Variants in NRXN2 observed in about 807,000 individuals in gnomAD.
The protein encoded by NRXN2 is neurexin-2-beta.
NRXN2 carries 29 observed loss-of-function variants against 128.8 expected under a neutral mutation model. The observed-to-expected ratio is 0.23, with a 90% CI of 0.17 to 0.31. The LOEUF (loss-of-function observed/expected upper bound fraction) is 0.31, where lower values mean the gene tolerates loss of function less well. NRXN2 is among the 10% of genes least tolerant of loss of function. NRXN2 has a pLI of 1.00. For missense variants in NRXN2, 1,881 were observed against 2,452.6 expected (o/e 0.77, Z 4.92); for synonymous variants, 1,098 against 1,075.2 (o/e 1.02, Z -0.41).
chr11:64,653,642 G>A (rs1232538077), intron 12 of NRXN2, 54 bp downstream of exon 12: 21 of 1,533,520 alleles, frequency 1.4e-5, no homozygotes, highest in East Asian at 4.6e-5. Flanking sequence ...AAATCCCAGC[G>A]TCCAGCATCC....
intron 6 of NRXN2, among the ~76,000 whole-genome samples, chr11:64,684,859 G>A (rs983112658): frequency 6.6e-6 from 1 of 152,224 alleles, no homozygotes; most frequent in African/African-American, 2.4e-5. Context: ...TCTGGGAACA[G>A]GAGCTCCTGT....
intron 7 of NRXN2, among the ~76,000 whole-genome samples, chr11:64,669,629 G>T (rs1181423761): frequency 6.6e-6 from 1 of 152,108 alleles, no homozygotes; most frequent in East Asian, 1.9e-4. Context: ...GACAAGGACA[G>T]GAAACTCTCC....
In NRXN2 at chr11:64,643,357, G is replaced by A. The variant is rs1243279514; in HGVS notation, c.3403+4862C>T. 2.5e-5 allele frequency: 19 copies of A among 757,726 alleles called. No homozygotes were observed. In the Admixed American group the frequency reaches 1.1e-3, roughly 45 times the overall value. The allele number at this position is 757,726 out of a possible 1,614,324, so 46.9% of individuals were successfully genotyped here. On this transcript the variant is annotated intron_variant, in intron 17 of 22. Coordinates refer to ENST00000265459, the MANE Select transcript of NRXN2 (RefSeq NM_015080.4). Reference sequence around the variant, plus strand: ...GGCCGGGGGAAAGGAGGGAGCGGCCGGGGGAGGGGGGGGCGGGAGAAGGGG... The same window carrying A: ...GGCCGGGGGAAAGGAGGGAGCGGCCAGGGGAGGGGGGGGCGGGAGAAGGGG...
chr11:64,686,586 C>T (rs562409163), intron 5 of NRXN2, among the ~76,000 whole-genome samples: 2 of 152,286 alleles, frequency 1.3e-5, no homozygotes, highest in East Asian at 3.9e-4. Context: ...GGGATATGCA[C>T]CGGATAGCAA....
At chr11:64,610,415 C>T (rs745960377) in intron 22 of NRXN2, among the ~76,000 whole-genome samples, 4 of 152,016 alleles carry the variant, frequency 2.6e-5, no homozygotes, top group Admixed American at 1.3e-4. Flanking sequence ...TGAGTGAGGC[C>T]GGGGAAGGGC....
rs754401990 is a variant in NRXN2 at position 64,607,346 on chromosome 11, A to G, written c.4989T>C (p.Arg1663=). The G allele has an allele frequency of 1.2e-6, 2 of 1,613,874 alleles. No individual in the cohort carries two copies. Among genetic ancestry groups the G allele is most frequent in the Non-Finnish European group, 1.7e-6 (2 of 1,179,934 alleles). ...LLYAMYKYRN[R]DEGSYQVDQS... ...GGTCCACCTGGTAGGAGCCCTCATC[A>G]CGATTGCGGTACTTATACATGGCGT... The change falls in exon 23 of 23, where the codon CGT becomes CGC. Residue 1663 remains arginine, a synonymous_variant. Transcript: ENST00000265459.
chr11:64,676,854 T>C (rs546964544), intron 7 of NRXN2, 139 bp downstream of exon 7: 8 of 695,432 alleles, frequency 1.2e-5, no homozygotes, highest in African/African-American at 7.1e-5. Flanking sequence ...AATCTAAAGA[T>C]TGTCCAGGAC....
At chr11:64,721,371 C>G (rs918575510) in intron 1 of NRXN2, among the ~76,000 whole-genome samples, 1 of 151,956 alleles carries the variant, frequency 6.6e-6, no homozygotes, top group Non-Finnish European at 1.5e-5. Flanking sequence ...AAAGAACTGC[C>G]CGGCAGCCGT....
At chr11:64,625,492 T>C (rs1384984755) in intron 20 of NRXN2, among the ~76,000 whole-genome samples, 2 of 152,226 alleles carry the variant, frequency 1.3e-5, no homozygotes, top group Non-Finnish European at 2.9e-5. Context: ...TCAGCAGGTT[T>C]AGGCCCCACA....
chr11:64,675,258 G>T (rs2051147184), intron 7 of NRXN2: 1 of 152,300 alleles, frequency 6.6e-6, no homozygotes, highest in African/African-American at 2.4e-5. Context: ...CAAGACCACT[G>T]GGAGTGGCCA....
intron 17 of NRXN2, among the ~76,000 whole-genome samples, chr11:64,638,652 A>C (rs979641950): frequency 2.6e-5 from 4 of 152,202 alleles, no homozygotes; most frequent in African/African-American, 9.6e-5. Flanking sequence ...GGCCTAAGCC[A>C]AGGCCCAAAA....
intron 2 of NRXN2, among the ~76,000 whole-genome samples, chr11:64,706,633 C>T (rs992070263): frequency 1.6e-4 from 24 of 152,096 alleles, no homozygotes; most frequent in African/African-American, 4.8e-4. Flanking sequence ...CCTGCTTCTC[C>T]TGCTTTAGGT....
chr11:64,641,771 G>A (rs1055268844), intron 17 of NRXN2, among the ~76,000 whole-genome samples: 7 of 152,080 alleles, frequency 4.6e-5, no homozygotes, highest in African/African-American at 1.7e-4. Context: ...ACTGACACAG[G>A]AGGGGAAGCC....
At chr11:64,663,826 G>A (rs1015699192) in intron 9 of NRXN2, among the ~76,000 whole-genome samples, 10 of 152,188 alleles carry the variant, frequency 6.6e-5, no homozygotes, top group Non-Finnish European at 1.0e-4. Context: ...TAAATGCAAC[G>A]TGTATATCCA....
chr11:64,690,391 T>TG lies in NRXN2; in HGVS notation c.850+13dup. ...TGAGGGCTGGGCTCTCTGGGGACCA[T>TG]GGGGGTCACTGACCTTTTGTTGGCT... On this transcript the variant is annotated intron_variant, in intron 5 of 22. Coordinates refer to ENST00000265459, the MANE Select transcript of NRXN2 (RefSeq NM_015080.4). 1 of 1,609,762 alleles carries TG rather than the reference T, an allele frequency of 6.2e-7. No homozygotes were observed. The highest frequency in any genetic ancestry group is 8.5e-7 in the Non-Finnish European group (1 of 1,178,036).
Position 64,643,179 on chromosome 11 carries a change from G to A in NRXN2, c.3403+5040C>T, listed in dbSNP as rs542906748. On this transcript the variant is annotated intron_variant, in intron 17 of 22. Transcript: ENST00000265459. ...GCGCGGGGGCCAAGCAGGGAGGGGAGAGCGAGGGAAATCCTGCGGAAAAAC... is the reference window on the plus strand; with the variant it reads ...GCGCGGGGGCCAAGCAGGGAGGGGAAAGCGAGGGAAATCCTGCGGAAAAAC... 17 of 979,728 alleles carry A rather than the reference G, an allele frequency of 1.7e-5. No individual in the cohort carries two copies. In the East Asian group the frequency reaches 1.8e-3, roughly 104 times the overall value. 60.7% of individuals were successfully genotyped at this position (979,728 alleles called of 1,614,324 possible). A position where few individuals can be genotyped will look rare whatever the true frequency, so the allele number is the denominator to read the frequency against.
intron 1 of NRXN2, among the ~76,000 whole-genome samples, chr11:64,716,392 A>G (rs1184957156): frequency 1.3e-5 from 2 of 151,172 alleles, no homozygotes; most frequent in Non-Finnish European, 3.0e-5. Flanking sequence ...AAGTTGGGGG[A>G]GGACAGATAG....
At chr11:64,701,970 G>A (rs1289919101) in intron 2 of NRXN2, among the ~76,000 whole-genome samples, 8 of 136,098 alleles carry the variant, frequency 5.9e-5, no homozygotes, top group Non-Finnish European at 1.1e-4. Context: ...TCAGCCCCCC[G>A]CCCGGCCAGC....
At chr11:64,644,779 C>T (rs907581951) in intron 17 of NRXN2, among the ~76,000 whole-genome samples, 2 of 142,822 alleles carry the variant, frequency 1.4e-5, no homozygotes, top group Admixed American at 7.0e-5. Flanking sequence ...GAGGCAGGGG[C>T]GGGTGAAGTG....
Sources: allele counts gnomAD v4.1 joint callset (sites outside exome capture counted in the v4.1 genomes callset), GRCh38; gene constraint gnomAD v4.1.1; transcripts MANE v1.5; gene names NCBI Gene and HGNC (gene_info 2026-07-23, HGNC 2026-07-21).